Variants in NUB1 observed in about 807,000 individuals in gnomAD.
The protein encoded by NUB1 is NEDD8 ultimate buster 1.
A neutral mutation model predicts 77.1 loss-of-function variants in NUB1; 41 were observed. That is an observed-to-expected ratio of 0.53 (90% CI 0.41 to 0.69). The LOEUF (loss-of-function observed/expected upper bound fraction) is 0.69. Ranked by LOEUF, NUB1 falls within the 30% of genes least tolerant of loss-of-function variation. The pLI is 0.00. For synonymous variants in NUB1, 257 were observed against 281.0 expected, an observed-to-expected ratio of 0.91 and a Z score of 0.85; for missense variants, 643 against 743.8, an observed-to-expected ratio of 0.86 and a Z score of 1.58.
Position 151,374,210 on chromosome 7 carries a change from C to T in NUB1, c.1362C>T (p.His454=), listed in dbSNP as rs375032507. Reference sequence around the variant, plus strand: ...CGCACGCGGCCCAGCAGGTACTCCACGCAGCCAGCGGGAACTTGGATGAGG... The same window carrying T: ...CGCACGCGGCCCAGCAGGTACTCCATGCAGCCAGCGGGAACTTGGATGAGG... ...YSTHAAQQVL[H]AASGNLDEAL... Residue 454 remains histidine, a synonymous_variant, in exon 12 of 15, where the codon CAC becomes CAT. Transcript: ENST00000568733. 91 of 1,563,758 alleles carry T rather than the reference C, an allele frequency of 5.8e-5. No homozygotes were observed. In the Admixed American group the frequency reaches 1.2e-3, roughly 20 times the overall value.
chr7:151,352,247 C>G (rs1247018739), intron 4 of NUB1: 3 of 447,664 alleles, frequency 6.7e-6, no homozygotes, highest in African/African-American at 6.0e-5. Context: ...TCACATGGAT[C>G]TACAGCACTG....
chr7:151,359,346 G>A (rs560470994), intron 7 of NUB1, among the ~76,000 whole-genome samples: 1 of 151,796 alleles, frequency 6.6e-6, no homozygotes, highest in African/African-American at 2.4e-5. Context: ...GGGAGGCTGA[G>A]GCAGGAGAAT....
chr7:151,343,056 TG>T, intron 1 of NUB1, among the ~76,000 whole-genome samples: 1 of 152,284 alleles, frequency 6.6e-6, no homozygotes, highest in African/African-American at 2.4e-5. Context: ...TGTCCCCCAG[TG>T]GGGAGACAGT....
intron 12 of NUB1, among the ~76,000 whole-genome samples, 193 bp from the exon 13 acceptor site, chr7:151,375,655 T>C (rs1452959964): frequency 6.6e-6 from 1 of 152,240 alleles, no homozygotes; most frequent in Non-Finnish European, 1.5e-5. Context: ...GTCTTGCTCC[T>C]CCTTCAAACC....
At chr7:151,366,484 C>A (rs1423460113) in intron 8 of NUB1, among the ~76,000 whole-genome samples, 3 of 150,994 alleles carry the variant, frequency 2.0e-5, no homozygotes, top group East Asian at 3.9e-4. Flanking sequence ...CCAGAAATTT[C>A]TGTTATGTTT....
intron 4 of NUB1, chr7:151,352,073 C>T (rs773950857): frequency 1.1e-5 from 5 of 456,398 alleles, no homozygotes; most frequent in South Asian, 7.7e-5. Flanking sequence ...TTTCTCATTT[C>T]CTTCTTTGGT....
chr7:151,347,305 G>A (rs1289115897), intron 2 of NUB1, among the ~76,000 whole-genome samples: 1 of 152,080 alleles, frequency 6.6e-6, no homozygotes, highest in Admixed American at 6.5e-5. Context: ...AGGAGGCTAA[G>A]GCAGGAGGAT....
intron 7 of NUB1, among the ~76,000 whole-genome samples, chr7:151,359,882 A>G (rs1010199512): frequency 5.3e-5 from 8 of 152,278 alleles, no homozygotes; most frequent in African/African-American, 1.4e-4. Flanking sequence ...ATCAGTGGAT[A>G]CGAAAATAAA....
At chr7:151,342,000 G>C in intron 1 of NUB1, 154 bp downstream of exon 1, 3 of 1,264,240 alleles carry the variant, frequency 2.4e-6, no homozygotes, top group Non-Finnish European at 3.0e-6. Context: ...GCCGGGGCCG[G>C]GGCCGGGGCC....
intron 8 of NUB1, chr7:151,360,582 C>T (rs1218761053): frequency 2.9e-5 from 6 of 204,738 alleles, no homozygotes; most frequent in East Asian, 1.1e-4. Flanking sequence ...TCCTCAAATC[C>T]GTTGTTTAAG....
chr7:151,374,333 C>T (rs1798105578), intron 12 of NUB1, 90 bp downstream of exon 12: 1 of 1,459,516 alleles, frequency 6.9e-7, no homozygotes, highest in Admixed American at 2.0e-5. Flanking sequence ...TCCTCCCGGG[C>T]TCACTCCTAT....
At position 151,345,427 on chromosome 7, in the gene NUB1, A is replaced by T. The variant is rs750784903; in HGVS notation, c.78A>T (p.Pro26=). 3 of 1,608,884 alleles carry T rather than the reference A, an allele frequency of 1.9e-6. No individual in the cohort carries two copies. The highest frequency in any genetic ancestry group is 2.2e-5 in the South Asian group (2 of 89,750). Residue 26 remains proline (P), a synonymous_variant, in exon 2 of 15, where the codon CCA becomes CCT. Transcript: ENST00000568733. ...REDRIQLWKP[P]YTDENKKVGL... ...ACAGGATTCAACTTTGGAAACCTCCATATACAGATGAAAATAAAAAAGTTG... is the reference window on the plus strand; with the variant it reads ...ACAGGATTCAACTTTGGAAACCTCCTTATACAGATGAAAATAAAAAAGTTG...
chr7:151,349,369 A>G (rs972176819), intron 3 of NUB1, 129 bp downstream of exon 3: 31 of 777,790 alleles, frequency 4.0e-5, no homozygotes, highest in Admixed American at 3.4e-4. Context: ...ATATTGAACA[A>G]TTTATCAGCT....
At chr7:151,354,941 A>C (rs1563015580) in intron 5 of NUB1, among the ~76,000 whole-genome samples, 5 of 152,134 alleles carry the variant, frequency 3.3e-5, no homozygotes. Flanking sequence ...GACGGGGTCC[A>C]CTGTGTTGCC....
At chr7:151,372,999 C>T (rs1409106177) in intron 11 of NUB1, among the ~76,000 whole-genome samples, 1 of 152,182 alleles carries the variant, frequency 6.6e-6, no homozygotes, top group Non-Finnish European at 1.5e-5. Flanking sequence ...TCTGTTCTGC[C>T]TGCTCCTACT....
At chr7:151,348,995 A>C in intron 2 of NUB1, 78 bp from the exon 3 acceptor site, 2 of 1,334,376 alleles carry the variant, frequency 1.5e-6, no homozygotes, top group Non-Finnish European at 2.1e-6. Context: ...TGATGGCCTT[A>C]GAGTCTTTCA....
Position 151,378,159 on chromosome 7 carries a change from C to A in NUB1, c.*934C>A, listed in dbSNP as rs1311412717. On this transcript the variant is annotated 3_prime_UTR_variant, in exon 15 of 15. Coordinates refer to ENST00000568733, the MANE Select transcript of NUB1 (RefSeq NM_001243351.2). ...TGTCGGCTCCAGCAGTAACCGTCCTCACTGCGCCACGCACTCCTCTGTAGA... is the reference window on the plus strand; with the variant it reads ...TGTCGGCTCCAGCAGTAACCGTCCTAACTGCGCCACGCACTCCTCTGTAGA... 1 of 152,184 alleles carries A rather than the reference C, an allele frequency of 6.6e-6. No individual in the cohort carries two copies. Among genetic ancestry groups the A allele is most frequent in the Admixed American group, 6.5e-5 (1 of 15,274 alleles). The allele number at this position is 152,184 out of a possible 1,614,324, so 9.4% of individuals were successfully genotyped here. A position where few individuals can be genotyped will look rare whatever the true frequency, so the allele number is the denominator to read the frequency against.
chr7:151,367,586 C>T (rs561463946), intron 9 of NUB1, among the ~76,000 whole-genome samples: 1 of 152,308 alleles, frequency 6.6e-6, no homozygotes, highest in Admixed American at 6.5e-5. Flanking sequence ...TGGATTTCTG[C>T]ATACTTCTCT....
intron 8 of NUB1, among the ~76,000 whole-genome samples, 156 bp from the exon 9 acceptor site, chr7:151,366,783 C>G (rs184810407): frequency 0.013 from 1,996 of 152,314 alleles, 20 homozygotes; most frequent in Non-Finnish European, 0.021. Flanking sequence ...AACACAGCTC[C>G]CTTCCTAAAC....
Sources: gnomAD v4.1 joint callset for allele counts (sites outside exome capture counted in the v4.1 genomes callset) on GRCh38, gnomAD v4.1.1 for gene constraint, MANE v1.5 for transcripts, NCBI Gene and HGNC (gene_info 2026-07-23, HGNC 2026-07-21) for gene names.